PTPN20: variants seen among roughly 807,000 people sequenced by gnomAD.
PTPN20 encodes tyrosine-protein phosphatase non-receptor type 20.
In PTPN20, 9 loss-of-function variants were observed where a neutral mutation model predicts 35.0. The observed-to-expected ratio is 0.26, with a 90% CI of 0.15 to 0.45. The LOEUF is 0.45. Ranked by LOEUF, PTPN20 falls within the 20% of genes least tolerant of loss-of-function variation. PTPN20 has a pLI of 1.00. For synonymous variants in PTPN20, 32 were observed against 100.2 expected (o/e 0.32, Z 4.06); for missense variants, 111 against 312.5 (o/e 0.36, Z 4.86).
chr10:46,945,423 G>A (rs1194122123), intron 4 of PTPN20, among the ~76,000 whole-genome samples: 9 of 152,078 alleles, frequency 5.9e-5, no homozygotes, highest in South Asian at 2.1e-4. Context: ...TAAGAAACCC[G>A]AATTTTCTTA....
intron 5 of PTPN20, among the ~76,000 whole-genome samples, chr10:46,951,176 A>G (rs2046525832): frequency 6.6e-6 from 1 of 152,038 alleles, no homozygotes; most frequent in Non-Finnish European, 1.5e-5. Flanking sequence ...TGTATTTTTA[A>G]TAGAGTCCAG....
intron 7 of PTPN20, among the ~76,000 whole-genome samples, chr10:46,977,367 G>A (rs1253473723): frequency 5.1e-4 from 77 of 152,268 alleles, no homozygotes; most frequent in African/African-American, 1.7e-3. Context: ...TTTATCTAGA[G>A]AATCTAGAGT....
At chr10:46,998,352 G>A (rs1236151016) in intron 9 of PTPN20, among the ~76,000 whole-genome samples, 1 of 152,096 alleles carries the variant, frequency 6.6e-6, no homozygotes, top group Non-Finnish European at 1.5e-5. Flanking sequence ...AAGTTATTCT[G>A]GGTGGGAAAA....
intron 5 of PTPN20, among the ~76,000 whole-genome samples, chr10:46,959,058 C>T (rs1433268419): frequency 5.5e-5 from 8 of 145,294 alleles, no homozygotes; most frequent in Admixed American, 4.9e-4. Flanking sequence ...CAAGTCCTCC[C>T]TTTTCTTACT....
intron 1 of PTPN20, among the ~76,000 whole-genome samples, chr10:46,926,915 T>C (rs2037618259): frequency 1.3e-5 from 2 of 150,502 alleles, no homozygotes; most frequent in Non-Finnish European, 3.0e-5. Flanking sequence ...AGACTGTCAG[T>C]GTGACTGATA....
At chr10:46,925,088 A>T (rs1258472301) in intron 1 of PTPN20, among the ~76,000 whole-genome samples, 4 of 150,840 alleles carry the variant, frequency 2.7e-5, no homozygotes, top group African/African-American at 9.9e-5. Context: ...TGTGGTTGCC[A>T]GGCAACCACA....
At chr10:46,945,480 C>G (rs1379391906) in intron 4 of PTPN20, among the ~76,000 whole-genome samples, 2 of 152,168 alleles carry the variant, frequency 1.3e-5, no homozygotes, top group African/African-American at 4.8e-5. Flanking sequence ...TTAAAGCATA[C>G]AGTGCATGTA....
chr10:46,994,555 C>T (rs2058690795), intron 9 of PTPN20, among the ~76,000 whole-genome samples: 1 of 151,884 alleles, frequency 6.6e-6, no homozygotes, highest in African/African-American at 2.4e-5. Flanking sequence ...AGGATGGTCT[C>T]GATCTCCTGA....
intron 5 of PTPN20, among the ~76,000 whole-genome samples, chr10:46,963,403 TA>T (rs2049965326): frequency 1.2e-4 from 6 of 49,182 alleles, no homozygotes; most frequent in African/African-American, 1.1e-3. Context: ...AAGATATATA[TA>T]TATTTTCTAC....
intron 9 of PTPN20, among the ~76,000 whole-genome samples, chr10:46,992,121 ATT>A (rs1180103188): frequency 6.8e-4 from 89 of 130,624 alleles, no homozygotes; most frequent in Middle Eastern, 4.0e-3. Context: ...TTCATTTTCA[ATT>A]TTTTTTTTTT....
chr10:46,959,135 T>C (rs1282571011), intron 5 of PTPN20, among the ~76,000 whole-genome samples: 1 of 137,324 alleles, frequency 7.3e-6, no homozygotes, highest in Non-Finnish European at 1.6e-5. Flanking sequence ...ATTGTAAAAC[T>C]GTTTCTCTCT....
At position 46,984,539 on chromosome 10, in the gene PTPN20, G is replaced by GA; in HGVS notation, c.895dup (p.Met299AsnfsTer12). 1 of 1,577,502 alleles carries GA rather than the reference G, an allele frequency of 6.3e-7. No homozygotes were observed. On this transcript the variant is annotated frameshift_variant, in exon 8 of 11. Transcript: ENST00000374339. LOFTEE classifies it high-confidence loss of function. ...CAGATACTTCAATATTTCATCATTCGAATGTTTCAAGTTGTGGAGAAGTCC... is the reference window on the plus strand; with the variant it reads ...CAGATACTTCAATATTTCATCATTCGAAATGTTTCAAGTTGTGGAGAAGTCC...
chr10:46,932,561 A>T (rs1555120729), intron 2 of PTPN20, 28 bp downstream of exon 2: 2 of 1,610,258 alleles, frequency 1.2e-6, no homozygotes, highest in Non-Finnish European at 1.7e-6. Flanking sequence ...TTTTGTGGGT[A>T]TGGGATCAGG....
intron 9 of PTPN20, among the ~76,000 whole-genome samples, chr10:46,999,051 C>A (rs1322269610): frequency 6.6e-6 from 1 of 152,106 alleles, no homozygotes; most frequent in African/African-American, 2.4e-5. Context: ...TATGATGACA[C>A]CGCTGTACTC....
At chr10:46,968,496 A>G (rs1445472025) in intron 7 of PTPN20, among the ~76,000 whole-genome samples, 11 of 151,980 alleles carry the variant, frequency 7.2e-5, no homozygotes, top group African/African-American at 2.2e-4. Flanking sequence ...CTGCCTTTTG[A>G]TTGTCTCCAC....
intron 9 of PTPN20, among the ~76,000 whole-genome samples, chr10:46,990,167 GT>G (rs2057672314): frequency 6.7e-6 from 1 of 149,530 alleles, no homozygotes; most frequent in Non-Finnish European, 1.5e-5. Context: ...GAGGTCAGGA[GT>G]TCGAGACCAG....
chr10:46,932,414 C>T lies in PTPN20; in HGVS notation c.-86C>T. On this transcript the variant is annotated 5_prime_UTR_variant, in exon 2 of 11. Transcript: ENST00000374339. ...TGTTTGCTGGCCCCCAGGATACTAA[C>T]TAGACCTTTGGCCTGACTCACAGGA... 1 of 1,611,590 alleles carries T rather than the reference C, an allele frequency of 6.2e-7. No homozygotes were observed. Among genetic ancestry groups the T allele is most frequent in the East Asian group, 2.2e-5 (1 of 44,868 alleles).
chr10:46,935,755 C>T (rs2041388918), intron 2 of PTPN20, among the ~76,000 whole-genome samples: 1 of 152,056 alleles, frequency 6.6e-6, no homozygotes, highest in South Asian at 2.1e-4. Flanking sequence ...GTGAAAAGTT[C>T]TGTGATGAAC....
intron 5 of PTPN20, among the ~76,000 whole-genome samples, chr10:46,947,056 C>T (rs1471183595): frequency 7.0e-6 from 1 of 142,606 alleles, no homozygotes; most frequent in African/African-American, 2.6e-5. Context: ...TACAAATTAT[C>T]ACATGTTTAT....
Sources: allele counts gnomAD v4.1 joint callset (sites outside exome capture counted in the v4.1 genomes callset), GRCh38; gene constraint gnomAD v4.1.1; transcripts MANE v1.5; gene names NCBI Gene and HGNC (gene_info 2026-07-23, HGNC 2026-07-21).